SBF2: variants seen among roughly 807,000 people sequenced by gnomAD.
The protein encoded by SBF2 is myotubularin-related protein 13.
Under a neutral mutation model 225.2 loss-of-function variants are expected in SBF2, and 112 were observed. The observed-to-expected ratio is 0.50, with a 90% CI of 0.43 to 0.58. The LOEUF (loss-of-function observed/expected upper bound fraction) is 0.58. Ranked by LOEUF, SBF2 falls within the 20% of genes least tolerant of loss-of-function variation. SBF2 has a pLI of 0.00. For missense variants in SBF2, 1,996 were observed against 2,206.2 expected (o/e 0.90, Z 1.91); for synonymous variants, 763 against 773.3 (o/e 0.99, Z 0.22).
At chr11:10,127,457 T>C (rs1953809035) in intron 2 of SBF2, among the ~76,000 whole-genome samples, 1 of 152,084 alleles carries the variant, frequency 6.6e-6, no homozygotes, top group South Asian at 2.1e-4. Context: ...CTATTGTTGT[T>C]ATCTCATCAA....
At chr11:10,278,964 G>T (rs1262674119) in intron 1 of SBF2, among the ~76,000 whole-genome samples, 1 of 151,976 alleles carries the variant, frequency 6.6e-6, no homozygotes, top group East Asian at 1.9e-4. Flanking sequence ...TTTCAAGGCT[G>T]GGCGCAATGG....
At chr11:9,967,992 A>ATATATATAT (rs1565073558) in intron 14 of SBF2, among the ~76,000 whole-genome samples, 2 of 131,950 alleles carry the variant, frequency 1.5e-5, no homozygotes, top group Non-Finnish European at 3.3e-5. Context: ...TATATATATA[A>ATATATATAT]AATATATATA....
intron 16 of SBF2, among the ~76,000 whole-genome samples, chr11:9,929,710 G>A (rs1512829): frequency 0.78 from 118,006 of 152,094 alleles, 46,138 homozygotes; most frequent in African/African-American, 0.85. Flanking sequence ...CTCATCCACC[G>A]TATGCACCCA....
chr11:10,067,685 A>C (rs1268860535), intron 2 of SBF2, among the ~76,000 whole-genome samples: 1 of 152,062 alleles, frequency 6.6e-6, no homozygotes, highest in African/African-American at 2.4e-5. Flanking sequence ...GCTTGAGTCC[A>C]GTAGTTTGAG....
intron 17 of SBF2, among the ~76,000 whole-genome samples, chr11:9,882,548 T>A (rs12288210): frequency 2.0e-5 from 3 of 151,932 alleles, no homozygotes; most frequent in African/African-American, 7.2e-5. Context: ...GTGGCTCATG[T>A]CTGTAATCCC....
chr11:10,027,716 A>C (rs1949101012), intron 6 of SBF2, among the ~76,000 whole-genome samples: 1 of 152,154 alleles, frequency 6.6e-6, no homozygotes, highest in Non-Finnish European at 1.5e-5. Context: ...TATATTTCTT[A>C]AATAATGTAA....
At chr11:10,118,829 T>A (rs537603869) in intron 2 of SBF2, among the ~76,000 whole-genome samples, 2 of 151,758 alleles carry the variant, frequency 1.3e-5, no homozygotes, top group African/African-American at 4.8e-5. Flanking sequence ...ACACCCTCTA[T>A]CTCTAAATTA....
At chr11:10,196,861 TATA>T (rs1466348920) in intron 1 of SBF2, among the ~76,000 whole-genome samples, 410 of 29,240 alleles carry the variant, frequency 0.014, 19 homozygotes, top group South Asian at 0.035. Flanking sequence ...TATATATATA[TATA>T]TATTTTTTTT....
chr11:9,881,961 C>T (rs1859799838), intron 17 of SBF2, among the ~76,000 whole-genome samples: 2 of 152,024 alleles, frequency 1.3e-5, no homozygotes, highest in Non-Finnish European at 2.9e-5. Flanking sequence ...GCACTTCAGC[C>T]TAGGTGATAG....
intron 36 of SBF2, among the ~76,000 whole-genome samples, chr11:9,785,679 T>C (rs995329629): frequency 5.9e-5 from 9 of 152,092 alleles, no homozygotes. Context: ...CTGGGCAACA[T>C]GGCGAAGCCC....
chr11:9,865,123 C>T (rs79213491), intron 17 of SBF2, among the ~76,000 whole-genome samples: 4,580 of 152,170 alleles, frequency 0.03, 111 homozygotes, highest in South Asian at 0.073. Context: ...ACTATGATGC[C>T]TAGGCTGGAC....
chr11:9,977,056 C>T (rs564553334), intron 13 of SBF2, among the ~76,000 whole-genome samples: 1 of 152,130 alleles, frequency 6.6e-6, no homozygotes. Context: ...CCGCACCCCA[C>T]CCAACTGATT....
intron 2 of SBF2, among the ~76,000 whole-genome samples, chr11:10,060,476 T>C (rs1179283466): frequency 6.6e-6 from 1 of 152,204 alleles, no homozygotes; most frequent in Non-Finnish European, 1.5e-5. Context: ...GTAATATTCC[T>C]ATAGAAACTA....
chr11:9,967,993 AAT>A (rs1048360806), intron 14 of SBF2, among the ~76,000 whole-genome samples: 11 of 125,132 alleles, frequency 8.8e-5, no homozygotes, highest in East Asian at 7.1e-4. Flanking sequence ...ATATATATAA[AAT>A]ATATATATAT....
At chr11:9,872,840 G>C (rs966746959) in intron 17 of SBF2, among the ~76,000 whole-genome samples, 20 of 152,006 alleles carry the variant, frequency 1.3e-4, no homozygotes, top group Admixed American at 1.2e-3. Context: ...TAAATGCTAA[G>C]CCAAATAACC....
chr11:10,063,844 C>CAG (rs1303324835), intron 2 of SBF2, among the ~76,000 whole-genome samples: 12 of 134,520 alleles, frequency 8.9e-5, no homozygotes, highest in African/African-American at 1.9e-4. Context: ...CACACACACA[C>CAG]ACACACACAC....
At chr11:9,930,654 G>T (rs886885511) in intron 16 of SBF2, among the ~76,000 whole-genome samples, 5 of 152,238 alleles carry the variant, frequency 3.3e-5, no homozygotes, top group African/African-American at 1.2e-4. Context: ...AACAGGAACA[G>T]CTCTGGTCTG....
At chr11:10,075,816 A>C (rs1691107473) in intron 2 of SBF2, among the ~76,000 whole-genome samples, 14 of 152,184 alleles carry the variant, frequency 9.2e-5, no homozygotes, top group Admixed American at 9.2e-4. Flanking sequence ...CTAACACAGT[A>C]ATTGATGAAT....
At chr11:9,862,314 C>T (rs955619389) in intron 17 of SBF2, among the ~76,000 whole-genome samples, 21 of 152,194 alleles carry the variant, frequency 1.4e-4, no homozygotes, top group African/African-American at 4.8e-4. Flanking sequence ...TCAGGACCAG[C>T]AGAGGGCAGT....
Sources: allele counts gnomAD v4.1 joint callset (sites outside exome capture counted in the v4.1 genomes callset), GRCh38; gene constraint gnomAD v4.1.1; transcripts MANE v1.5; gene names NCBI Gene and HGNC (gene_info 2026-07-23, HGNC 2026-07-21).